The following UNC80 variants were observed in gnomAD, a reference collection of about 807,000 sequenced individuals.
UNC80 encodes the protein unc-80 subunit of NALCN channel complex.
Under a neutral mutation model 384.6 loss-of-function variants are expected in UNC80, and 164 were observed. The observed-to-expected ratio is 0.43, with a 90% confidence interval of 0.38 to 0.49. The LOEUF (loss-of-function observed/expected upper bound fraction) is 0.49. Among genes scored for constraint, UNC80 ranks in the 20% least tolerant of loss-of-function variants. UNC80 has a pLI of 0.00. For missense variants in UNC80, 3,330 were observed against 4,143.0 expected, an observed-to-expected ratio of 0.80 and a Z score of 5.39; for synonymous variants, 1,486 against 1,527.8, an observed-to-expected ratio of 0.97 and a Z score of 0.64.
At chr2:209,862,399 T>C (rs1317569975) in intron 22 of UNC80, among the ~76,000 whole-genome samples, 1 of 152,210 alleles carries the variant, frequency 6.6e-6, no homozygotes, top group Non-Finnish European at 1.5e-5. Flanking sequence ...GTCTCATTGA[T>C]CTGTCTAATA....
chr2:209,842,331 T>C lies in UNC80; in HGVS notation c.3358-19T>C. On this transcript the variant is annotated intron_variant, in intron 20 of 64. Coordinates refer to ENST00000673920, the MANE Select transcript of UNC80 (RefSeq NM_001371986.1). Reference sequence around the variant, plus strand: ...TTTGAATCTTATCTCTCTACTTTCCTTTTTTTTTCTTTTTTCAGGTCAAAT... The same window carrying C: ...TTTGAATCTTATCTCTCTACTTTCCCTTTTTTTTCTTTTTTCAGGTCAAAT... The C allele has an allele frequency of 6.7e-7, 1 of 1,497,138 alleles. No individual in the cohort carries two copies. Among genetic ancestry groups the C allele is most frequent in the Non-Finnish European group, 9.0e-7 (1 of 1,107,348 alleles). The allele number at this position is 1,497,138 out of a possible 1,614,324, so 92.7% of individuals were successfully genotyped here.
intron 6 of UNC80, among the ~76,000 whole-genome samples, chr2:209,791,666 A>C (rs1050342878): frequency 6.6e-6 from 1 of 151,754 alleles, no homozygotes; most frequent in Non-Finnish European, 1.5e-5. Flanking sequence ...TAAGAATACA[A>C]AAAAATTAGC....
intron 51 of UNC80, among the ~76,000 whole-genome samples, chr2:209,963,484 T>A (rs2092656845): frequency 6.6e-6 from 1 of 152,236 alleles, no homozygotes; most frequent in Non-Finnish European, 1.5e-5. Context: ...ATAAAATGGC[T>A]CTTAAATTCA....
intron 47 of UNC80, among the ~76,000 whole-genome samples, chr2:209,952,938 G>T (rs2092252708): frequency 6.6e-6 from 1 of 151,998 alleles, no homozygotes; most frequent in East Asian, 1.9e-4. Flanking sequence ...ACATATTATA[G>T]GCAAAATTAT....
chr2:209,834,773 C>A (rs1340658124), intron 17 of UNC80, 139 bp from the exon 18 acceptor site: 8 of 620,870 alleles, frequency 1.3e-5, no homozygotes, highest in Non-Finnish European at 5.6e-6. Context: ...AAATTCTAAA[C>A]AACATAGACT....
chr2:209,826,181 G>A, intron 14 of UNC80, 128 bp downstream of exon 14: 1 of 1,129,514 alleles, frequency 8.9e-7, no homozygotes, highest in Non-Finnish European at 1.2e-6. Flanking sequence ...AATTAATGCT[G>A]TTTTGGTGTG....
rs2077414212 is a variant in UNC80 at position 209,786,159 on chromosome 2, C to A, written c.694C>A (p.Leu232Met). The change falls in exon 5 of 65, where the codon CTG becomes ATG. Residue 232 changes from leucine to methionine, a missense_variant. Transcript: ENST00000673920. ...RQPGVSGFTA[L>M]VKPIRNIITA... ...GCCCGGAGTCTCTGGCTTTACCGCA[C>A]TGGTGAAGCCCATCAGGAACATCAT... The A allele has an allele frequency of 6.2e-7, 1 of 1,613,848 alleles. No homozygotes were observed. The highest frequency in any genetic ancestry group is 1.3e-5 in the African/African-American group (1 of 74,908).
At chr2:209,958,661 A>G (rs1385707756) in intron 49 of UNC80, among the ~76,000 whole-genome samples, 1 of 152,208 alleles carries the variant, frequency 6.6e-6, no homozygotes, top group Non-Finnish European at 1.5e-5. Flanking sequence ...ACTGGATTAA[A>G]TGAGGGCTTC....
chr2:209,910,415 T>C (rs996355030), intron 29 of UNC80, among the ~76,000 whole-genome samples: 1 of 151,966 alleles, frequency 6.6e-6, no homozygotes, highest in Non-Finnish European at 1.5e-5. Flanking sequence ...ATCTCTGTGA[T>C]ATCTATCTTC....
intron 4 of UNC80, among the ~76,000 whole-genome samples, chr2:209,785,428 G>A (rs1362840289): frequency 1.3e-5 from 2 of 152,180 alleles, no homozygotes; most frequent in Non-Finnish European, 2.9e-5. Context: ...TATTTATTGA[G>A]TATCTGTTGT....
intron 7 of UNC80, among the ~76,000 whole-genome samples, chr2:209,808,625 C>T (rs967546433): frequency 6.6e-6 from 1 of 151,876 alleles, no homozygotes; most frequent in African/African-American, 2.4e-5. Flanking sequence ...GGGGGAGGCA[C>T]GCCTCCAATT....
In UNC80 at chr2:209,820,371, G is replaced by A. The variant is rs769901732; in HGVS notation, c.2023G>A (p.Val675Met). The change falls in exon 13 of 65, where the codon GTG becomes ATG. Residue 675 changes from valine to methionine, a missense_variant. Coordinates refer to ENST00000673920, the MANE Select transcript of UNC80 (RefSeq NM_001371986.1). ...NHDISSRICD[V>M]ALNIVECLLQ... ...TGACATCAGCTCTCGTATCTGTGAC[G>A]TGGCGCTAAACATTGTGGAATGCTT... The A allele has an allele frequency of 1.6e-5, 25 of 1,551,746 alleles. No homozygotes were observed. The highest frequency in any genetic ancestry group is 4.9e-5 in the East Asian group (2 of 40,940).
At position 209,813,699 on chromosome 2, in the gene UNC80, T is replaced by C; in HGVS notation, c.1058T>C (p.Met353Thr). The C allele has an allele frequency of 1.9e-6, 3 of 1,551,784 alleles. No homozygotes were observed. Among genetic ancestry groups the C allele is most frequent in the African/African-American group, 1.4e-5 (1 of 73,148 alleles). The change falls in exon 8 of 65, where the codon ATG (methionine) becomes ACG (threonine). Residue 353 changes from methionine (M) to threonine (T), a missense_variant. Around this residue, in one of 8 missense-constraint regions of UNC80, gnomAD observed 937 missense variants for 1,026.8 expected, o/e 0.91. Transcript: ENST00000673920. ...WSEEGTQWSL[M>T]YYLQRLRHML... Reference sequence around the variant, plus strand: ...GAGGAAGGCACTCAGTGGTCTCTGATGTACTATCTACAAAGGCTGCGACAC... The same window carrying C: ...GAGGAAGGCACTCAGTGGTCTCTGACGTACTATCTACAAAGGCTGCGACAC...
intron 17 of UNC80, 60 bp downstream of exon 17, chr2:209,834,228 G>C (rs1044394171): frequency 2.0e-6 from 3 of 1,502,644 alleles, no homozygotes; most frequent in African/African-American, 2.8e-5. Context: ...AATAAAATCT[G>C]TTGTACTGTT....
intron 52 of UNC80, 171 bp downstream of exon 52, chr2:209,967,808 T>G (rs1454484130): frequency 2.2e-5 from 13 of 587,462 alleles, no homozygotes; most frequent in Non-Finnish European, 3.8e-5. Context: ...AGCCTACATT[T>G]TGAGAAAAAT....
chr2:209,930,910 T>G, intron 37 of UNC80, 58 bp from the exon 38 acceptor site: 1 of 1,284,894 alleles, frequency 7.8e-7, no homozygotes, highest in Non-Finnish European at 1.1e-6. Context: ...AGAAGTTAAT[T>G]TTATTTTCTA....
chr2:209,909,814 A>G (rs913643337), intron 29 of UNC80, among the ~76,000 whole-genome samples: 2 of 152,060 alleles, frequency 1.3e-5, no homozygotes, highest in East Asian at 2.0e-4. Flanking sequence ...GTTCTACCCT[A>G]TCCCATAGCA....
At chr2:209,967,141 A>G (rs753304748) in intron 51 of UNC80, among the ~76,000 whole-genome samples, 1 of 152,184 alleles carries the variant, frequency 6.6e-6, no homozygotes, top group Non-Finnish European at 1.5e-5. Context: ...CAGAAATGAC[A>G]TTCTCTAAAT....
chr2:209,872,735 C>T lies in UNC80; in HGVS notation c.3628-23C>T, dbSNP rs778618601. On this transcript the variant is annotated intron_variant, in intron 22 of 64. Transcript: ENST00000673920. The surrounding 1 kb of genome is among the most constrained non-coding windows in gnomAD (Gnocchi z 4.1). ...TATTGTTCATTAATCCCACATTATT[C>T]TTTCCTAAACAACCCTACACAGGAA... 2 of 1,543,030 alleles carry T rather than the reference C, an allele frequency of 1.3e-6. No individual in the cohort carries two copies. Among genetic ancestry groups the T allele is most frequent in the South Asian group, 2.4e-5 (2 of 83,820 alleles).
Sources: gnomAD v4.1 joint callset for allele counts (sites outside exome capture counted in the v4.1 genomes callset) on GRCh38, gnomAD v4.1.1 for gene constraint, gnomAD v4.1.1 regional missense constraint, Gnocchi (gnomAD v3.1) non-coding constraint, MANE v1.5 for transcripts, NCBI Gene and HGNC (gene_info 2026-07-23, HGNC 2026-07-21) for gene names.